DLGAP2: variants seen among roughly 807,000 people sequenced by gnomAD.
DLGAP2 encodes disks large-associated protein 2.
Under a neutral mutation model 100.3 loss-of-function variants are expected in DLGAP2, and 26 were observed. The ratio of observed to expected loss-of-function variants is 0.26; its 90% CI spans 0.19 to 0.36. The LOEUF (loss-of-function observed/expected upper bound fraction) is 0.36. Among genes scored for constraint, DLGAP2 ranks in the 10% least tolerant of loss-of-function variants. The pLI is 1.00. For synonymous variants in DLGAP2, 886 were observed against 630.1 expected, an observed-to-expected ratio of 1.41 and a Z score of -6.08; for missense variants, 1,858 against 1,453.2, an observed-to-expected ratio of 1.28 and a Z score of -4.53.
chr8:1,344,437 T>C (rs1801509425), intron 3 of DLGAP2, among the ~76,000 whole-genome samples: 1 of 152,194 alleles, frequency 6.6e-6, no homozygotes, highest in African/African-American at 2.4e-5. Context: ...TAGGTGGCCA[T>C]GTGGGTAAAA....
chr8:1,339,234 G>C (rs1250185700), intron 3 of DLGAP2, among the ~76,000 whole-genome samples: 4 of 136,284 alleles, frequency 2.9e-5, no homozygotes, highest in Admixed American at 7.4e-5. Context: ...CAGGACCCGG[G>C]AGGGAATGCA....
intron 3 of DLGAP2, among the ~76,000 whole-genome samples, chr8:1,310,027 C>T (rs561930476): frequency 6.9e-6 from 1 of 145,364 alleles, no homozygotes; most frequent in Non-Finnish European, 1.5e-5. Flanking sequence ...CCACTGTATA[C>T]CAGCCTGGGC....
At chr8:859,781 G>A (rs1233458201) in intron 1 of DLGAP2, among the ~76,000 whole-genome samples, 1 of 152,172 alleles carries the variant, frequency 6.6e-6, no homozygotes, top group Non-Finnish European at 1.5e-5. Context: ...TAGCAGGAGT[G>A]AAGGGGTTAA....
chr8:1,193,780 G>A (rs1192611596), intron 2 of DLGAP2, among the ~76,000 whole-genome samples: 1 of 151,922 alleles, frequency 6.6e-6, no homozygotes, highest in Non-Finnish European at 1.5e-5. Flanking sequence ...GGCCTCTAGA[G>A]CCTCCGCACC....
chr8:1,417,651 C>A (rs112496110), intron 3 of DLGAP2, among the ~76,000 whole-genome samples: 11,849 of 61,154 alleles, frequency 0.19, 1,426 homozygotes, highest in Middle Eastern at 0.27. Context: ...ACGGGGAGCC[C>A]CACTCCTGCC....
chr8:1,472,159 C>T (rs928447185), intron 3 of DLGAP2, among the ~76,000 whole-genome samples: 12 of 152,146 alleles, frequency 7.9e-5, no homozygotes, highest in South Asian at 2.1e-4. Context: ...AGAGCTCAGA[C>T]GGGGCCGCAC....
intron 2 of DLGAP2, among the ~76,000 whole-genome samples, chr8:1,050,905 G>A (rs1175078232): frequency 6.6e-6 from 1 of 151,360 alleles, no homozygotes; most frequent in South Asian, 2.1e-4. Context: ...GCCTTAGATC[G>A]AGAGAGGCTG....
intron 1 of DLGAP2, among the ~76,000 whole-genome samples, chr8:888,143 A>G (rs759176745): frequency 2.6e-5 from 4 of 152,168 alleles, no homozygotes; most frequent in Non-Finnish European, 4.4e-5. Flanking sequence ...GTGATCTTCA[A>G]ACTCTGATAT....
At chr8:771,063 C>T (rs1821343912) in intron 1 of DLGAP2, among the ~76,000 whole-genome samples, 1 of 152,088 alleles carries the variant, frequency 6.6e-6, no homozygotes, top group Admixed American at 6.6e-5. Flanking sequence ...TCCATTTCTC[C>T]ATTTCGTGAA....
intron 3 of DLGAP2, among the ~76,000 whole-genome samples, chr8:1,493,805 G>A (rs1198475013): frequency 6.6e-6 from 1 of 152,224 alleles, no homozygotes; most frequent in Non-Finnish European, 1.5e-5. Context: ...GGGTAGATGC[G>A]GAAGGGGTGG....
chr8:1,173,463 T>C (rs1797176703), intron 2 of DLGAP2, among the ~76,000 whole-genome samples: 1 of 152,168 alleles, frequency 6.6e-6, no homozygotes, highest in African/African-American at 2.4e-5. Flanking sequence ...GTCTTTTTGT[T>C]TGTCTGTGCC....
At chr8:1,547,855 C>A (rs1801596099) in intron 4 of DLGAP2, among the ~76,000 whole-genome samples, 1 of 152,236 alleles carries the variant, frequency 6.6e-6, no homozygotes, top group South Asian at 2.1e-4. Context: ...CTCCCATCCT[C>A]ACTGGCCTGT....
In DLGAP2 at chr8:1,707,969, A is replaced by C. The variant is rs1447410193; in HGVS notation, c.*6563A>C. The C allele has an allele frequency of 2.0e-5, 3 of 152,630 alleles. No homozygotes were observed. Among genetic ancestry groups the C allele is most frequent in the African/African-American group, 4.8e-5 (2 of 41,456 alleles). The allele number at this position is 152,630 out of a possible 1,614,324, so 9.5% of individuals were successfully genotyped here. A position where few individuals can be genotyped will look rare whatever the true frequency, so the allele number is the denominator to read the frequency against. On this transcript the variant is annotated 3_prime_UTR_variant, in exon 15 of 15. Coordinates refer to ENST00000637795, the MANE Select transcript of DLGAP2 (RefSeq NM_001346810.2). The stretch of plus-strand genomic sequence containing the variant: ...GCAGGATACCTAATCTGAATGTGCA[A>C]TATGCTATTCATCACCACGACAATT...
chr8:1,516,504 TG>T (rs1800393221), intron 4 of DLGAP2, among the ~76,000 whole-genome samples: 1 of 149,458 alleles, frequency 6.7e-6, no homozygotes, highest in African/African-American at 2.5e-5. Flanking sequence ...AATGAGTGAG[TG>T]AATGAGTTCA....
chr8:1,169,544 C>G (rs1254839370), intron 2 of DLGAP2, among the ~76,000 whole-genome samples: 1 of 152,104 alleles, frequency 6.6e-6, no homozygotes, highest in Non-Finnish European at 1.5e-5. Flanking sequence ...TGTTTGTATC[C>G]TCTTTAATTT....
At chr8:932,181 T>C (rs1014337266) in intron 2 of DLGAP2, among the ~76,000 whole-genome samples, 1 of 152,220 alleles carries the variant, frequency 6.6e-6, no homozygotes, top group South Asian at 2.1e-4. Context: ...CCCTCTCACC[T>C]TTGGCCTCTA....
chr8:1,518,275 C>T (rs1800464729), intron 4 of DLGAP2, among the ~76,000 whole-genome samples: 1 of 152,186 alleles, frequency 6.6e-6, no homozygotes, highest in African/African-American at 2.4e-5. Flanking sequence ...CTAATGAAAT[C>T]TGTCTGCTTC....
intron 2 of DLGAP2, among the ~76,000 whole-genome samples, chr8:1,187,436 C>G (rs376946154): frequency 7.5e-6 from 1 of 133,458 alleles, no homozygotes; most frequent in Non-Finnish European, 1.6e-5. Context: ...TGACGTTTGC[C>G]TCACGGAATC....
intron 3 of DLGAP2, among the ~76,000 whole-genome samples, chr8:1,427,089 T>G (rs1346732838): frequency 2.6e-5 from 4 of 152,108 alleles, no homozygotes; most frequent in African/African-American, 9.7e-5. Context: ...AAATACAAAA[T>G]AAAAGATAAG....
Sources: gnomAD v4.1 joint callset for allele counts (sites outside exome capture counted in the v4.1 genomes callset) on GRCh38, gnomAD v4.1.1 for gene constraint, MANE v1.5 for transcripts, NCBI Gene and HGNC (gene_info 2026-07-23, HGNC 2026-07-21) for gene names.